The following PIK3R5 variants were observed in gnomAD, a reference collection of about 807,000 sequenced individuals.
PIK3R5 encodes the protein phosphoinositide-3-kinase regulatory subunit 5, also known as phosphoinositide 3-kinase regulatory subunit 5.
A neutral mutation model predicts 94.9 loss-of-function variants in PIK3R5; 32 were observed. That is an observed-to-expected ratio of 0.34 (90% CI 0.25 to 0.45). The LOEUF is 0.45. Ranked by LOEUF, PIK3R5 falls within the 20% of genes least tolerant of loss-of-function variation. PIK3R5 has a pLI of 1.00. For synonymous variants in PIK3R5, 443 were observed against 479.4 expected (o/e 0.92, Z 0.99); for missense variants, 853 against 1,144.6 (o/e 0.75, Z 3.68).
At chr17:8,899,400 C>T (rs575525052) in intron 5 of PIK3R5, among the ~76,000 whole-genome samples, 2 of 152,308 alleles carry the variant, frequency 1.3e-5, no homozygotes, top group South Asian at 4.1e-4. Context: ...CCAGGACCTA[C>T]CTTCTAAGCT....
At chr17:8,961,587 A>G (rs1226845767) in intron 1 of PIK3R5, among the ~76,000 whole-genome samples, 2 of 152,178 alleles carry the variant, frequency 1.3e-5, no homozygotes, top group Non-Finnish European at 2.9e-5. Context: ...GTGAGCCGAG[A>G]TCACGGCACT....
chr17:8,937,188 T>A (rs958788459), intron 1 of PIK3R5, among the ~76,000 whole-genome samples: 25 of 152,356 alleles, frequency 1.6e-4, no homozygotes, highest in African/African-American at 4.3e-4. Flanking sequence ...ACATAGACAA[T>A]CATGTTATTT....
chr17:8,922,244 G>T (rs1324272938), intron 1 of PIK3R5, among the ~76,000 whole-genome samples: 2 of 151,826 alleles, frequency 1.3e-5, no homozygotes, highest in Non-Finnish European at 2.9e-5. Context: ...TACTATGTTG[G>T]GCGCTTTCAC....
At chr17:8,927,096 C>T (rs2090897593) in intron 1 of PIK3R5, among the ~76,000 whole-genome samples, 1 of 152,118 alleles carries the variant, frequency 6.6e-6, no homozygotes, top group African/African-American at 2.4e-5. Context: ...GGGTGAGTTC[C>T]CTGGCTTCTC....
intron 1 of PIK3R5, among the ~76,000 whole-genome samples, chr17:8,915,509 T>G (rs1275733548): frequency 6.6e-6 from 1 of 151,796 alleles, no homozygotes; most frequent in Non-Finnish European, 1.5e-5. Context: ...CAGCCCTGCA[T>G]CCTCCAGAGA....
chr17:8,928,147 C>T (rs1443347242), intron 1 of PIK3R5, among the ~76,000 whole-genome samples: 6 of 152,120 alleles, frequency 3.9e-5, no homozygotes, highest in African/African-American at 1.4e-4. Context: ...CCCACTCTAC[C>T]CCTTAGTAAT....
rs547037252 is a variant in PIK3R5, at chr17:8,889,261, G to C, written c.812-39C>G. 6.6e-7 allele frequency: 1 copy of C among 1,521,504 alleles called. No homozygotes were observed. The highest frequency in any genetic ancestry group is 1.7e-5 in the Admixed American group (1 of 57,304). 94.3% of individuals were successfully genotyped at this position (1,521,504 alleles called of 1,614,324 possible). A position where few individuals can be genotyped will look rare whatever the true frequency, so the allele number is the denominator to read the frequency against. On this transcript the variant is annotated intron_variant, in intron 8 of 18. Transcript: ENST00000447110. This position sits in a 1 kb window ranked among gnomAD's most constrained non-coding sequence, Gnocchi z 4.1. ...GAGGATAGGAGAAGAGGGCTGGGAA[G>C]AGGCCTTGGAGATTGGCCAGTCCAG...
rs1041995556 is a variant in PIK3R5 at position 8,935,167 on chromosome 17, G to A, written c.-13-23660C>T. Among the ~76,000 whole-genome samples, 12 of 152,048 alleles carry A rather than the reference G, an allele frequency of 7.9e-5. No individual in the cohort carries two copies. The highest frequency in any genetic ancestry group is 1.3e-4 in the Non-Finnish European group (9 of 67,998). ...GAGCATCTCTGCTTCCACTGTGCCT[G>A]CGTTATAACTGCCTATTTCTCTAGC... On this transcript the variant is annotated intron_variant, in intron 1 of 18. Coordinates refer to ENST00000447110, the MANE Select transcript of PIK3R5 (RefSeq NM_001142633.3). This position sits in a 1 kb window ranked among gnomAD's most constrained non-coding sequence, Gnocchi z 4.5.
At chr17:8,943,076 CT>C (rs927821070) in intron 1 of PIK3R5, among the ~76,000 whole-genome samples, 22 of 146,458 alleles carry the variant, frequency 1.5e-4, no homozygotes, top group Admixed American at 4.8e-4. Flanking sequence ...TTTTCTTTTT[CT>C]TTTTTTTTTC....
intron 1 of PIK3R5, among the ~76,000 whole-genome samples, chr17:8,940,647 G>A (rs773353623): frequency 1.3e-5 from 2 of 152,088 alleles, no homozygotes; most frequent in Admixed American, 6.5e-5. Flanking sequence ...TGCAACCTCC[G>A]CCTCCCAGGT....
intron 1 of PIK3R5, among the ~76,000 whole-genome samples, chr17:8,912,200 A>C (rs2090541459): frequency 6.6e-6 from 1 of 152,174 alleles, no homozygotes; most frequent in South Asian, 2.1e-4. Flanking sequence ...AGGGAATTTC[A>C]GGAGGGTTTT....
At chr17:8,931,087 G>A (rs1430375489) in intron 1 of PIK3R5, among the ~76,000 whole-genome samples, 1 of 152,122 alleles carries the variant, frequency 6.6e-6, no homozygotes, top group East Asian at 1.9e-4. Flanking sequence ...ATGAATCTAC[G>A]ATTTATCTCA....
At chr17:8,948,021 C>T (rs1393138585) in intron 1 of PIK3R5, among the ~76,000 whole-genome samples, 13 of 117,968 alleles carry the variant, frequency 1.1e-4, no homozygotes, top group Middle Eastern at 5.9e-3. Flanking sequence ...CCAGCCTGGG[C>T]GACAGAGCGA....
chr17:8,942,277 C>G (rs1001930768), intron 1 of PIK3R5, among the ~76,000 whole-genome samples: 1 of 152,184 alleles, frequency 6.6e-6, no homozygotes, highest in African/African-American at 2.4e-5. Flanking sequence ...GGAAACCACA[C>G]CTGACCTCTG....
Position 8,893,658 on chromosome 17 carries a change from G to A in PIK3R5, c.413-3C>T. ...CACCAGTCTCTGGTAGGAGATCCCTGTGGGTCAAGAAGAAAAGAGTTCATG... is the reference window on the plus strand; with the variant it reads ...CACCAGTCTCTGGTAGGAGATCCCTATGGGTCAAGAAGAAAAGAGTTCATG... On this transcript the variant is annotated splice_polypyrimidine_tract_variant and splice_region_variant and intron_variant, in intron 5 of 18. Coordinates refer to ENST00000447110, the MANE Select transcript of PIK3R5 (RefSeq NM_001142633.3). This position sits in a 1 kb window ranked among gnomAD's most constrained non-coding sequence, Gnocchi z 5.1. 6.2e-7 allele frequency: 1 copy of A among 1,612,522 alleles called. No homozygotes were observed. The highest frequency in any genetic ancestry group is 8.5e-7 in the Non-Finnish European group (1 of 1,178,562).
intron 1 of PIK3R5, among the ~76,000 whole-genome samples, chr17:8,924,026 G>GCCTTC (rs1454912391): frequency 9.2e-6 from 1 of 109,072 alleles, no homozygotes; most frequent in African/African-American, 3.6e-5. Context: ...TGACATTGCA[G>GCCTTC]CCTTCCCTTC....
Position 8,887,233 on chromosome 17 carries a change from A to T in PIK3R5, c.1780-12T>A. On this transcript the variant is annotated splice_polypyrimidine_tract_variant and intron_variant, in intron 11 of 18. Coordinates refer to ENST00000447110, the MANE Select transcript of PIK3R5 (RefSeq NM_001142633.3). ...GTGGTGCCCAGCTCCTAGGGCAAAGAACAAGAGTCATCATCCCAGCTCCCC... is the reference window on the plus strand; with the variant it reads ...GTGGTGCCCAGCTCCTAGGGCAAAGTACAAGAGTCATCATCCCAGCTCCCC... The T allele has an allele frequency of 6.2e-7, 1 of 1,613,596 alleles. No individual in the cohort carries two copies. The highest frequency in any genetic ancestry group is 8.5e-7 in the Non-Finnish European group (1 of 1,179,874).
rs1375936798 is a variant in PIK3R5 at position 8,896,626 on chromosome 17, C to G, written c.413-2971G>C. On this transcript the variant is annotated intron_variant, in intron 5 of 18. Transcript: ENST00000447110. The surrounding 1 kb of genome is among the most constrained non-coding windows in gnomAD (Gnocchi z 4.0). ...TCGCCATTAAGCCTTGTTCACCCAT[C>G]AAAGCTTCCACTCTTTTTCAAAGTT... is the stretch of plus-strand genomic sequence containing the variant. Among the ~76,000 whole-genome samples the G allele has an allele frequency of 1.3e-5, 2 of 152,192 alleles. No individual in the cohort carries two copies. The highest frequency in any genetic ancestry group is 2.9e-5 in the Non-Finnish European group (2 of 68,032).
Position 8,882,334 on chromosome 17 carries a change from T to C in PIK3R5, c.2206-453A>G, listed in dbSNP as rs1037413605. 2.3e-5 allele frequency: 4 copies of C among 173,144 alleles called. No homozygotes were observed. In the East Asian group the frequency reaches 6.0e-4, roughly 26 times the overall value. The allele number at this position is 173,144 out of a possible 1,614,324, so 10.7% of individuals were successfully genotyped here. A position where few individuals can be genotyped will look rare whatever the true frequency, so the allele number is the denominator to read the frequency against. ...CAGCTTACTTGACCTTACAGTTCAC[T>C]GCTCTCCCCTCCTTGAAAACCTCTC... On this transcript the variant is annotated intron_variant, in intron 15 of 18. Coordinates refer to ENST00000447110, the MANE Select transcript of PIK3R5 (RefSeq NM_001142633.3). The surrounding 1 kb of genome is among the most constrained non-coding windows in gnomAD (Gnocchi z 4.1).
Sources: gnomAD v4.1 joint callset for allele counts (sites outside exome capture counted in the v4.1 genomes callset) on GRCh38, gnomAD v4.1.1 for gene constraint, Gnocchi (gnomAD v3.1) non-coding constraint, MANE v1.5 for transcripts, NCBI Gene and HGNC (gene_info 2026-07-23, HGNC 2026-07-21) for gene names.